DAPK1: variants seen among roughly 807,000 people sequenced by gnomAD.
DAPK1 encodes the protein death associated protein kinase 1.
A neutral mutation model predicts 144.9 loss-of-function variants in DAPK1; 56 were observed. That is an observed-to-expected ratio of 0.39 (90% CI 0.31 to 0.48). DAPK1 has a LOEUF of 0.48. DAPK1 is among the 20% of genes least tolerant of loss of function. The pLI is 0.95. For synonymous variants in DAPK1, 690 were observed against 749.0 expected (o/e 0.92, Z 1.29); for missense variants, 1,454 against 1,875.4 (o/e 0.78, Z 4.15).
Position 87,658,036 on chromosome 9 carries a change from GA to G in DAPK1, c.1834del (p.Thr612ArgfsTer12). 1 of 1,372,612 alleles carries G rather than the reference GA, an allele frequency of 7.3e-7. No homozygotes were observed. Among genetic ancestry groups the G allele is most frequent in the Non-Finnish European group, 1.0e-6 (1 of 961,236 alleles). The allele number at this position is 1,372,612 out of a possible 1,614,324, so 85.0% of individuals were successfully genotyped here. A position where few individuals can be genotyped will look rare whatever the true frequency, so the allele number is the denominator to read the frequency against. ...TTTTTTCTCTCTTCCCAGTATGGGC[GA>G]ACGCCTCTGCACCTTGCGGCCAACA... ...CNLDISNKYGRTPLHLAANNG... is the reference protein window; with the variant it reads ...CNLDISNKYGXTPLHLAANNG... On this transcript the variant is annotated frameshift_variant, in exon 18 of 26. Transcript: ENST00000408954. LOFTEE classifies it high-confidence loss of function.
Position 87,686,791 on chromosome 9 carries a change from T to TGACTTACAACCC in DAPK1, c.2413+52_2413+53insGACTTACAACCC. ...GACCTCAGGTTTCCCTTCAACAGGG[T>TGACTTACAACCC]TGTAAGTCATCCCTAAAGGGAGCTT... is the stretch of plus-strand genomic sequence containing the variant. On this transcript the variant is annotated intron_variant, in intron 21 of 25. Transcript: ENST00000408954. The surrounding 1 kb of genome is among the most constrained non-coding windows in gnomAD (Gnocchi z 4.2). The TGACTTACAACCC allele has an allele frequency of 6.9e-7, 1 of 1,448,608 alleles. No homozygotes were observed. Among genetic ancestry groups the TGACTTACAACCC allele is most frequent in the Non-Finnish European group, 9.6e-7 (1 of 1,046,788 alleles). The allele number at this position is 1,448,608 out of a possible 1,614,324, so 89.7% of individuals were successfully genotyped here. A position where few individuals can be genotyped will look rare whatever the true frequency, so the allele number is the denominator to read the frequency against.
intron 22 of DAPK1, chr9:87,698,372 T>G (rs1825332431): frequency 6.5e-6 from 2 of 309,172 alleles, no homozygotes; most frequent in Admixed American, 4.6e-5. Flanking sequence ...TCCTTGTAAG[T>G]AGGGGCTATT....
At chr9:87,545,693 G>A (rs542752818) in intron 2 of DAPK1, among the ~76,000 whole-genome samples, 1 of 152,180 alleles carries the variant, frequency 6.6e-6, no homozygotes, top group East Asian at 1.9e-4. Context: ...TTACAGGCAT[G>A]CACCACCACA....
chr9:87,558,331 CACTGG>C (rs1826790886), intron 2 of DAPK1, among the ~76,000 whole-genome samples: 1 of 152,138 alleles, frequency 6.6e-6, no homozygotes, highest in African/African-American at 2.4e-5. Flanking sequence ...AAGAGCAGGC[CACTGG>C]ACTGCATTGC....
Position 87,706,626 on chromosome 9 carries a change from G to C in DAPK1, c.3555G>C (p.Val1185=). 3 of 1,613,204 alleles carry C rather than the reference G, an allele frequency of 1.9e-6. No individual in the cohort carries two copies. Among genetic ancestry groups the C allele is most frequent in the Non-Finnish European group, 2.5e-6 (3 of 1,179,874 alleles). The part of the protein sequence containing the change: ...KLANRGAELL[V]LLVNHGQGIE... ...CCAACCGTGGGGCCGAGCTGCTGGT[G>C]CTGCTGGTCAACCACGGCCAGGGCA... The change falls in exon 26 of 26, where the codon GTG becomes GTC. Residue 1185 remains valine (V), a synonymous_variant. Coordinates refer to ENST00000408954, the MANE Select transcript of DAPK1 (RefSeq NM_004938.4). The surrounding 1 kb of genome is among the most constrained non-coding windows in gnomAD (Gnocchi z 9.0).
In DAPK1 at chr9:87,647,384, C is replaced by T; in HGVS notation, c.1310C>T (p.Pro437Leu). 6.2e-7 allele frequency: 1 copy of T among 1,614,114 alleles called. No individual in the cohort carries two copies. The highest frequency in any genetic ancestry group is 8.5e-7 in the Non-Finnish European group (1 of 1,180,002). The change falls in exon 14 of 26, where the codon CCT becomes CTT. Residue 437 changes from proline (P) to leucine (L), a missense_variant. Physicochemically the swap from Pro to Leu is moderately conservative, Grantham distance 98. This residue lies in a region of DAPK1 where 429 missense variants were observed against 637.5 expected (regional missense o/e 0.67). Transcript: ENST00000408954. ...TLKFLSENKC[P>L]LDVKDKSGEM... ...AAATTTCTCAGTGAGAACAAATGCC[C>T]TTTGGATGTGAAAGACAAGGTAAGG...
chr9:87,660,365 G>C (rs944315181), intron 18 of DAPK1, among the ~76,000 whole-genome samples: 1 of 151,962 alleles, frequency 6.6e-6, no homozygotes, highest in Non-Finnish European at 1.5e-5. Context: ...CACATCCCTC[G>C]GTTTAAGTTT....
At chr9:87,578,420 T>A (rs893462950) in intron 2 of DAPK1, among the ~76,000 whole-genome samples, 1 of 152,252 alleles carries the variant, frequency 6.6e-6, no homozygotes, top group African/African-American at 2.4e-5. Flanking sequence ...GTCATTCTTT[T>A]CTTCCATGAT....
intron 2 of DAPK1, among the ~76,000 whole-genome samples, chr9:87,580,917 C>T (rs553519176): frequency 1.6e-4 from 25 of 152,314 alleles, no homozygotes; most frequent in East Asian, 1.5e-3. Flanking sequence ...ATTATTTTAA[C>T]GTGTGCCCTT....
At position 87,639,513 on chromosome 9, in the gene DAPK1, C is replaced by T. The variant is rs750474723; in HGVS notation, c.553+30C>T. ...GTTTCTTTGCTCCTGTGGTCATTTA[C>T]GTCTCATAAACATTATTCTGGCAAA... is the stretch of plus-strand genomic sequence containing the variant. On this transcript the variant is annotated intron_variant, in intron 5 of 25. Coordinates refer to ENST00000408954, the MANE Select transcript of DAPK1 (RefSeq NM_004938.4). The T allele has an allele frequency of 2.4e-5, 38 of 1,610,086 alleles. 1 individual carries two copies. The Admixed American group carries it at 3.2e-4, about 14-fold the overall frequency.
chr9:87,501,780 A>G (rs1203826822), intron 2 of DAPK1, among the ~76,000 whole-genome samples: 1 of 152,192 alleles, frequency 6.6e-6, no homozygotes, highest in African/African-American at 2.4e-5. Flanking sequence ...GCTCTCTGTC[A>G]ACGGTCAGGA....
At chr9:87,653,005 G>A (rs1830508592) in intron 17 of DAPK1, among the ~76,000 whole-genome samples, 1 of 140,836 alleles carries the variant, frequency 7.1e-6, no homozygotes, top group South Asian at 2.6e-4. Flanking sequence ...CCGATCCCGG[G>A]TCCTGATTCT....
chr9:87,706,229 C>T lies in DAPK1; in HGVS notation c.3158C>T (p.Thr1053Ile). The change falls in exon 26 of 26, where the codon ACC (threonine) becomes ATC (isoleucine). Residue 1053 changes from threonine (T) to isoleucine (I), a missense_variant. By Grantham distance (89) the Thr-to-Ile change is moderately conservative. Transcript: ENST00000408954. This position sits in a 1 kb window ranked among gnomAD's most constrained non-coding sequence, Gnocchi z 9.0. Reference protein sequence around the residue: ...NVLGKLLSVETPRALHHYRGR... With the variant: ...NVLGKLLSVEIPRALHHYRGR... ...CTGGGGAAGTTGCTGTCCGTGGAGACCCCACGGGCGCTGCACCACTACCGG... is the reference window on the plus strand; with the variant it reads ...CTGGGGAAGTTGCTGTCCGTGGAGATCCCACGGGCGCTGCACCACTACCGG... The T allele has an allele frequency of 6.2e-7, 1 of 1,613,534 alleles. No individual in the cohort carries two copies. The highest frequency in any genetic ancestry group is 8.5e-7 in the Non-Finnish European group (1 of 1,179,436).
At chr9:87,608,957 C>T (rs1419509483) in intron 3 of DAPK1, among the ~76,000 whole-genome samples, 2 of 152,202 alleles carry the variant, frequency 1.3e-5, no homozygotes, top group Non-Finnish European at 2.9e-5. Context: ...TATATTTGGT[C>T]AGACATTATT....
chr9:87,517,797 T>C (rs2118193559), intron 2 of DAPK1, among the ~76,000 whole-genome samples: 1 of 152,324 alleles, frequency 6.6e-6, no homozygotes. Flanking sequence ...AATGGCTGTT[T>C]CCTTTCCATC....
At chr9:87,511,004 A>G (rs1253126169) in intron 2 of DAPK1, among the ~76,000 whole-genome samples, 1 of 152,210 alleles carries the variant, frequency 6.6e-6, no homozygotes, top group African/African-American at 2.4e-5. Flanking sequence ...GGAGAGCGAC[A>G]GTATAACATG....
intron 21 of DAPK1, among the ~76,000 whole-genome samples, chr9:87,688,153 G>A (rs766372570): frequency 3.2e-5 from 4 of 126,914 alleles, no homozygotes; most frequent in Non-Finnish European, 4.7e-5. Flanking sequence ...CATGAGTACC[G>A]AATGTTTAGT....
intron 2 of DAPK1, among the ~76,000 whole-genome samples, chr9:87,522,007 C>T (rs545605267): frequency 1.4e-4 from 21 of 152,308 alleles, no homozygotes; most frequent in African/African-American, 2.4e-4. Flanking sequence ...TCTTGCCATG[C>T]GATGCCCTCT....
chr9:87,637,527 C>T, intron 3 of DAPK1, among the ~76,000 whole-genome samples: 1 of 152,164 alleles, frequency 6.6e-6, no homozygotes, highest in East Asian at 1.9e-4. Context: ...AAGTTATGAA[C>T]TTTTCAGGTA....
Sources: allele counts gnomAD v4.1 joint callset (sites outside exome capture counted in the v4.1 genomes callset), GRCh38; gene constraint gnomAD v4.1.1; regional missense constraint gnomAD v4.1.1; non-coding constraint Gnocchi (gnomAD v3.1); transcripts MANE v1.5; gene names NCBI Gene and HGNC (gene_info 2026-07-23, HGNC 2026-07-21).